The following ADGRV1 variants were observed in gnomAD, a reference collection of about 807,000 sequenced individuals.
ADGRV1 encodes G-protein coupled receptor 98.
Under a neutral mutation model 596.2 loss-of-function variants are expected in ADGRV1, and 359 were observed. The observed-to-expected ratio is 0.60, with a 90% CI of 0.55 to 0.66. ADGRV1 has a LOEUF of 0.66. Among genes scored for constraint, ADGRV1 ranks in the 30% least tolerant of loss-of-function variants. ADGRV1 has a pLI of 0.00. For synonymous variants in ADGRV1, 2,681 were observed against 2,679.2 expected (o/e 1.00, Z -0.02); for missense variants, 7,274 against 7,575.6 (o/e 0.96, Z 1.48).
At chr5:90,663,482 G>C (rs1394414240) in intron 21 of ADGRV1, among the ~76,000 whole-genome samples, 3 of 150,292 alleles carry the variant, frequency 2.0e-5, no homozygotes, top group Non-Finnish European at 4.4e-5. Flanking sequence ...TTGTAAATTT[G>C]TTTGAGTTCA....
At chr5:90,953,982 T>G (rs181189252) in intron 83 of ADGRV1, among the ~76,000 whole-genome samples, 185 of 152,150 alleles carry the variant, frequency 1.2e-3, no homozygotes, top group African/African-American at 4.2e-3. Flanking sequence ...TTATTTTAAC[T>G]ATGCCAATGG....
rs116184119 is a variant in ADGRV1 at position 90,745,274 on chromosome 5, A to G, written c.10769+9A>G. The stretch of plus-strand genomic sequence containing the variant: ...TCTGACTTTATTCCTAGGTAGGTTC[A>G]ACATTTTTTGCTAAGTATCTTTATG... On this transcript the variant is annotated intron_variant, in intron 51 of 89. Transcript: ENST00000405460. 7.9e-3 allele frequency: 12,130 copies of G among 1,540,212 alleles called. 51 individuals are homozygous for G. Among genetic ancestry groups the G allele is most frequent in the Non-Finnish European group, 8.9e-3 (10,100 of 1,140,778 alleles).
At chr5:90,907,487 C>G (rs1371242948) in intron 83 of ADGRV1, among the ~76,000 whole-genome samples, 1 of 152,098 alleles carries the variant, frequency 6.6e-6, no homozygotes, top group Non-Finnish European at 1.5e-5. Flanking sequence ...CATTTTAGTC[C>G]TACCTTCCAT....
At chr5:90,749,854 A>G (rs1479590591) in intron 52 of ADGRV1, among the ~76,000 whole-genome samples, 1 of 152,216 alleles carries the variant, frequency 6.6e-6, no homozygotes, top group East Asian at 1.9e-4. Context: ...GGAAGCATAG[A>G]TAAGAAGAAA....
At chr5:90,804,491 C>G (rs1761714326) in intron 71 of ADGRV1, among the ~76,000 whole-genome samples, 1 of 152,128 alleles carries the variant, frequency 6.6e-6, no homozygotes, top group Admixed American at 6.5e-5. Flanking sequence ...TTCTTTTCCT[C>G]TGTGGCTCCA....
chr5:90,707,487 C>A (rs932925309), intron 38 of ADGRV1, among the ~76,000 whole-genome samples: 3 of 152,084 alleles, frequency 2.0e-5, no homozygotes, highest in Non-Finnish European at 2.9e-5. Context: ...CATCTACCAA[C>A]TGAAGTCAGT....
chr5:91,150,356 C>A (rs1434807052), intron 88 of ADGRV1, 135 bp downstream of exon 88: 2 of 626,464 alleles, frequency 3.2e-6, no homozygotes, highest in Non-Finnish European at 4.9e-6. Context: ...ATGAATCACA[C>A]TAGGTGACTT....
rs1009828203 is a variant in ADGRV1, at chr5:90,615,016, A to G, written c.204A>G (p.Val68=). 7.0e-7 allele frequency: 1 copy of G among 1,427,480 alleles called. No homozygotes were observed. The highest frequency in any genetic ancestry group is 1.6e-5 in the South Asian group (1 of 61,540). 88.4% of individuals were successfully genotyped at this position (1,427,480 alleles called of 1,614,324 possible). Residue 68 remains valine, a synonymous_variant, in exon 2 of 90, where the codon GTA becomes GTG. Coordinates refer to ENST00000405460, the MANE Select transcript of ADGRV1 (RefSeq NM_032119.4). ...AGCCAGCAAATGTTACTGCAATTGT[A>G]TCGGTAAGAAATTATTATAGCTCTA... ...IGEPANVTAI[V]SLYGEDAGDF...
chr5:90,847,854 T>C (rs150582888), intron 78 of ADGRV1, among the ~76,000 whole-genome samples: 1 of 152,032 alleles, frequency 6.6e-6, no homozygotes, highest in Admixed American at 6.6e-5. Context: ...CACACCTCCC[T>C]GCAAGCTGAG....
chr5:90,767,639 A>T lies in ADGRV1; in HGVS notation c.12285+4170A>T, dbSNP rs12654168. Among the ~76,000 whole-genome samples the T allele has an allele frequency of 4.4e-3, 665 of 152,100 alleles. 31 individuals carry two copies. In the East Asian group the frequency reaches 0.09, roughly 20 times the overall value. ...GCTCAGTAGGTGGTTTTCCAAAGGA[A>T]TTCCACCAAATATGTTTACATGGTC... On this transcript the variant is annotated intron_variant, in intron 59 of 89. Transcript: ENST00000405460.
chr5:91,113,654 C>T (rs1214212611), intron 87 of ADGRV1, among the ~76,000 whole-genome samples: 1 of 152,196 alleles, frequency 6.6e-6, no homozygotes, highest in African/African-American at 2.4e-5. Context: ...TGCAGTGGCT[C>T]ATGCCTATAA....
chr5:90,725,300 A>G (rs1212861516), intron 47 of ADGRV1, 68 bp downstream of exon 47: 5 of 1,040,190 alleles, frequency 4.8e-6, no homozygotes, highest in Non-Finnish European at 5.4e-6. Context: ...AAGATTGTTC[A>G]AATTGGAAGA....
rs1342763843 is a variant in ADGRV1, at chr5:91,014,135, G to GCC, written c.18152+28614_18152+28615dup. 1.3e-4 allele frequency among the ~76,000 whole-genome samples: 3 copies of GCC among 23,574 alleles called. No homozygotes were observed. The South Asian group carries it at 4.1e-3, about 32-fold the overall frequency. The allele number at this position is 23,574 out of a possible 152,430, so 15.5% of individuals were successfully genotyped here. ...CTCATAGGCAATCCCATTCACAATTGCCACACACACACACACACACACACA... is the reference window on the plus strand; with the variant it reads ...CTCATAGGCAATCCCATTCACAATTGCCCCACACACACACACACACACACACA... On this transcript the variant is annotated intron_variant, in intron 85 of 89. Coordinates refer to ENST00000405460, the MANE Select transcript of ADGRV1 (RefSeq NM_032119.4).
chr5:90,631,354 A>C (rs1252200454), intron 9 of ADGRV1, among the ~76,000 whole-genome samples: 1 of 152,124 alleles, frequency 6.6e-6, no homozygotes, highest in African/African-American at 2.4e-5. Flanking sequence ...GCCTCCAGGC[A>C]TACTTGTGCT....
intron 64 of ADGRV1, chr5:90,781,151 C>T (rs1758793242): frequency 2.4e-6 from 1 of 418,220 alleles, no homozygotes; most frequent in African/African-American, 2.0e-5. Flanking sequence ...TTCTGATTTC[C>T]TCACAGTTTA....
At position 90,690,817 on chromosome 5, in the gene ADGRV1, A is replaced by C. The variant is rs184116434; in HGVS notation, c.6727A>C (p.Ile2243Leu). ...GLFGFQITKL[I>L]VEEPEFNSVK... ...TTCAGGTTTTCAGATTACTAAACTT[A>C]TTGTAGAGGAACCTGAGTTTAACTC... The change falls in exon 31 of 90, where the codon ATT becomes CTT. Residue 2243 changes from isoleucine (I) to leucine (L), a missense_variant. This residue lies in a region of ADGRV1 where 3,643 missense variants were observed against 3,809.2 expected (regional missense o/e 0.96). Transcript: ENST00000405460. 41 of 1,597,258 alleles carry C rather than the reference A, an allele frequency of 2.6e-5. 1 individual carries two copies. The highest frequency in any genetic ancestry group is 8.8e-5 in the Admixed American group (5 of 56,912).
chr5:90,965,583 G>T, intron 84 of ADGRV1, 52 bp downstream of exon 84: 2 of 1,051,346 alleles, frequency 1.9e-6, no homozygotes, highest in Non-Finnish European at 2.9e-6. Flanking sequence ...ATGAATCTGG[G>T]TGGAGTGGTC....
intron 86 of ADGRV1, among the ~76,000 whole-genome samples, chr5:91,090,058 C>T (rs1003720116): frequency 7.2e-5 from 11 of 152,112 alleles, no homozygotes; most frequent in African/African-American, 2.7e-4. Context: ...TTCATAATTC[C>T]ACCTTATGAA....
At chr5:90,845,588 G>T (rs1765802733) in intron 78 of ADGRV1, among the ~76,000 whole-genome samples, 1 of 150,594 alleles carries the variant, frequency 6.6e-6, no homozygotes, top group Non-Finnish European at 1.5e-5. Context: ...TTTCCTGTCT[G>T]GTTTCTGGTA....
Sources: allele counts gnomAD v4.1 joint callset (sites outside exome capture counted in the v4.1 genomes callset), GRCh38; gene constraint gnomAD v4.1.1; regional missense constraint gnomAD v4.1.1; transcripts MANE v1.5; gene names NCBI Gene and HGNC (gene_info 2026-07-23, HGNC 2026-07-21).